CACNA2D3: variants seen among roughly 807,000 people sequenced by gnomAD.
The protein encoded by CACNA2D3 is voltage-dependent calcium channel subunit alpha-2/delta-3.
CACNA2D3 carries 60 observed loss-of-function variants against 160.6 expected under a neutral mutation model. That is an observed-to-expected ratio of 0.37 (90% CI 0.30 to 0.46). CACNA2D3 has a LOEUF of 0.46. CACNA2D3 is among the 20% of genes least tolerant of loss of function. The pLI, the probability that CACNA2D3 is intolerant of heterozygous loss-of-function variation, is 1.00. For missense variants in CACNA2D3, 1,205 were observed against 1,365.0 expected, an observed-to-expected ratio of 0.88 and a Z score of 1.85; for synonymous variants, 558 against 492.9, an observed-to-expected ratio of 1.13 and a Z score of -1.75.
chr3:54,925,792 T>A (rs1021360406), intron 27 of CACNA2D3, among the ~76,000 whole-genome samples: 1 of 152,218 alleles, frequency 6.6e-6, no homozygotes, highest in Non-Finnish European at 1.5e-5. Flanking sequence ...TTAACTATTT[T>A]AAACAACAGT....
At chr3:54,932,906 TAGAA>T (rs1384830075) in intron 27 of CACNA2D3, among the ~76,000 whole-genome samples, 2 of 152,192 alleles carry the variant, frequency 1.3e-5, no homozygotes, top group Non-Finnish European at 2.9e-5. Context: ...TTCGTTTGGT[TAGAA>T]AGAAAGTTTG....
At chr3:54,158,606 CTAA>C (rs1340128407) in intron 2 of CACNA2D3, among the ~76,000 whole-genome samples, 1 of 152,176 alleles carries the variant, frequency 6.6e-6, no homozygotes, top group African/African-American at 2.4e-5. Context: ...TTTTTCAGGG[CTAA>C]TAATTGTTTT....
intron 11 of CACNA2D3, among the ~76,000 whole-genome samples, chr3:54,667,662 A>C (rs1038208456): frequency 2.0e-5 from 3 of 152,358 alleles, no homozygotes; most frequent in Admixed American, 1.3e-4. Flanking sequence ...AGTCAAAATA[A>C]GGTCAGGTGC....
In CACNA2D3 at chr3:54,401,978, C is replaced by T. The variant is rs1437312611; in HGVS notation, c.381+15204C>T. ...TAATATAAAAAGACGTAAATTCTGA[C>T]ATCAAAAATATAAATTGTTGGGAGA... On this transcript the variant is annotated intron_variant, in intron 4 of 37. Coordinates refer to ENST00000474759, the MANE Select transcript of CACNA2D3 (RefSeq NM_018398.3). Among the ~76,000 whole-genome samples, 3 of 152,060 alleles carry T rather than the reference C, an allele frequency of 2.0e-5. No individual in the cohort carries two copies. The East Asian group carries it at 5.8e-4, about 29-fold the overall frequency.
chr3:54,169,828 G>C (rs1020226983), intron 2 of CACNA2D3, among the ~76,000 whole-genome samples: 1 of 151,968 alleles, frequency 6.6e-6, no homozygotes, highest in South Asian at 2.1e-4. Flanking sequence ...GAGAAGAAAG[G>C]CCTCTCTCTG....
intron 29 of CACNA2D3, among the ~76,000 whole-genome samples, chr3:54,981,533 A>G (rs1419757120): frequency 2.0e-5 from 3 of 152,116 alleles, no homozygotes; most frequent in African/African-American, 7.2e-5. Context: ...AAGGAGAGAG[A>G]GAGAGAAAGG....
intron 3 of CACNA2D3, among the ~76,000 whole-genome samples, chr3:54,333,302 C>T (rs983208101): frequency 2.0e-5 from 3 of 152,132 alleles, no homozygotes; most frequent in African/African-American, 4.8e-5. Context: ...GGGTGCTAGG[C>T]ATTCACTGGA....
intron 4 of CACNA2D3, among the ~76,000 whole-genome samples, chr3:54,492,643 C>T (rs771910403): frequency 7.9e-5 from 12 of 152,158 alleles, no homozygotes; most frequent in South Asian, 6.2e-4. Context: ...TGTCACCGCA[C>T]GAGGACGTGC....
At chr3:54,890,991 C>T (rs60969558) in intron 24 of CACNA2D3, among the ~76,000 whole-genome samples, 3,686 of 152,308 alleles carry the variant, frequency 0.024, 148 homozygotes, top group African/African-American at 0.08. Context: ...TAAGCCCTAA[C>T]TGGCTAGTCC....
intron 13 of CACNA2D3, among the ~76,000 whole-genome samples, chr3:54,787,554 T>TG (rs1018155349): frequency 1.3e-5 from 2 of 152,266 alleles, no homozygotes; most frequent in South Asian, 2.1e-4. Flanking sequence ...CATATGCACA[T>TG]GGGGGGCCAC....
At chr3:54,759,752 C>T (rs1218178941) in intron 12 of CACNA2D3, among the ~76,000 whole-genome samples, 6 of 152,148 alleles carry the variant, frequency 3.9e-5, no homozygotes, top group South Asian at 2.1e-4. Context: ...AGCTACAATA[C>T]GCAAATAGCC....
At chr3:54,785,952 C>T (rs1575474693) in intron 13 of CACNA2D3, among the ~76,000 whole-genome samples, 1 of 152,194 alleles carries the variant, frequency 6.6e-6, no homozygotes, top group East Asian at 1.9e-4. Flanking sequence ...TCACTCTTAA[C>T]ACTTCCAGCC....
At chr3:55,065,697 G>A (rs1233577441) in intron 35 of CACNA2D3, among the ~76,000 whole-genome samples, 1 of 151,236 alleles carries the variant, frequency 6.6e-6, no homozygotes, top group Non-Finnish European at 1.5e-5. Context: ...GAGAGGGAAG[G>A]AGAGGAGAGG....
chr3:54,845,000 G>A lies in CACNA2D3; in HGVS notation c.1552-1393G>A, dbSNP rs146806764. ...AAACATAATAATGGTAATTAATGCA[G>A]CGTTGACTGTGTCTGACATTTTTCC... On this transcript the variant is annotated intron_variant, in intron 16 of 37. Transcript: ENST00000474759. Among the ~76,000 whole-genome samples the A allele has an allele frequency of 7.2e-4, 109 of 152,200 alleles. 1 individual carries two copies. In the East Asian group the frequency reaches 0.019, roughly 26 times the overall value.
chr3:54,141,098 C>CACGTGCGT (rs140055955), intron 2 of CACNA2D3, among the ~76,000 whole-genome samples: 28 of 64,742 alleles, frequency 4.3e-4, no homozygotes, highest in African/African-American at 1.3e-3. Flanking sequence ...CGCGCGCGCG[C>CACGTGCGT]GTGTGTGCAT....
At chr3:54,578,593 G>T (rs1394876957) in intron 8 of CACNA2D3, among the ~76,000 whole-genome samples, 1 of 152,196 alleles carries the variant, frequency 6.6e-6, no homozygotes, top group East Asian at 1.9e-4. Context: ...GCTGAGCCCG[G>T]CTCCCTCTGG....
At chr3:54,788,518 T>C (rs191394997) in intron 13 of CACNA2D3, among the ~76,000 whole-genome samples, 1 of 152,254 alleles carries the variant, frequency 6.6e-6, no homozygotes, top group East Asian at 1.9e-4. Context: ...TTTGAAACTC[T>C]CCAAATGAGG....
intron 17 of CACNA2D3, among the ~76,000 whole-genome samples, chr3:54,866,490 C>A (rs1192499196): frequency 1.3e-5 from 2 of 152,148 alleles, no homozygotes; most frequent in African/African-American, 4.8e-5. Flanking sequence ...ATGGCATTAG[C>A]TTTGGGCAAA....
At chr3:54,853,563 A>G (rs1180374623) in intron 17 of CACNA2D3, among the ~76,000 whole-genome samples, 3 of 152,162 alleles carry the variant, frequency 2.0e-5, no homozygotes, top group African/African-American at 7.2e-5. Flanking sequence ...CCTTAAGTCC[A>G]GCACTATGCT....
Sources: gnomAD v4.1 joint callset for allele counts (sites outside exome capture counted in the v4.1 genomes callset) on GRCh38, gnomAD v4.1.1 for gene constraint, MANE v1.5 for transcripts, NCBI Gene and HGNC (gene_info 2026-07-23, HGNC 2026-07-21) for gene names.